Variants in YTHDF1 observed in about 807,000 individuals in gnomAD.
The protein encoded by YTHDF1 is YTH domain-containing family protein 1.
YTHDF1 carries 16 observed loss-of-function variants against 49.1 expected under a neutral mutation model. The observed-to-expected ratio is 0.33, with a 90% CI of 0.22 to 0.49. The LOEUF (loss-of-function observed/expected upper bound fraction) is 0.49, where lower values mean the gene tolerates loss of function less well. Ranked by LOEUF, YTHDF1 falls within the 20% of genes least tolerant of loss-of-function variation. The probability of loss-of-function intolerance (pLI) is 0.99; values close to 1 mark genes in which losing one functional copy is unlikely to be tolerated. For synonymous variants in YTHDF1, 313 were observed against 290.1 expected (o/e 1.08, Z -0.80); for missense variants, 621 against 744.3 (o/e 0.83, Z 1.93).
At position 63,196,744 on chromosome 20, in the gene YTHDF1, G is replaced by GA. The variant is rs1378159445; in HGVS notation, c.1654-11dup. ...TTCGACTCTGCCGTTCCTGTAAAAA[G>GA]AAAAAACAAAAGTTGAACGCAGAGT... is the stretch of plus-strand genomic sequence containing the variant. On this transcript the variant is annotated splice_polypyrimidine_tract_variant and intron_variant, in intron 4 of 4. Coordinates refer to ENST00000370339, the MANE Select transcript of YTHDF1 (RefSeq NM_017798.4). The GA allele has an allele frequency of 2.5e-6, 4 of 1,613,374 alleles. No homozygotes were observed. The highest frequency in any genetic ancestry group is 3.4e-6 in the Non-Finnish European group (4 of 1,179,878).
chr20:63,207,179 T>A (rs1237501078), intron 3 of YTHDF1, among the ~76,000 whole-genome samples: 1 of 152,202 alleles, frequency 6.6e-6, no homozygotes, highest in African/African-American at 2.4e-5. Flanking sequence ...GGGATACAGC[T>A]GCATTAACCC....
rs1028518671 is a variant in YTHDF1 at position 63,199,105 on chromosome 20, A to G, written c.1654-2371T>C. Among the ~76,000 whole-genome samples, 3 of 152,230 alleles carry G rather than the reference A, an allele frequency of 2.0e-5. No individual in the cohort carries two copies. In the East Asian group the frequency reaches 5.8e-4, roughly 29 times the overall value. On this transcript the variant is annotated intron_variant, in intron 4 of 4. Coordinates refer to ENST00000370339, the MANE Select transcript of YTHDF1 (RefSeq NM_017798.4). Reference sequence around the variant, plus strand: ...TTACAGCAATGGGGCCAAACTCTAAATGATAAAGAAAAGGTGGGTCTGTTC... The same window carrying G: ...TTACAGCAATGGGGCCAAACTCTAAGTGATAAAGAAAAGGTGGGTCTGTTC...
At chr20:63,200,395 ACAAAC>A (rs2066512238) in intron 4 of YTHDF1, among the ~76,000 whole-genome samples, 1 of 152,142 alleles carries the variant, frequency 6.6e-6, no homozygotes, top group Non-Finnish European at 1.5e-5. Context: ...CCAAACATTA[ACAAAC>A]CAGGTTCTCA....
Position 63,203,349 on chromosome 20 carries a change from G to C in YTHDF1, c.591C>G (p.Ser197=). 1 of 1,613,134 alleles carries C rather than the reference G, an allele frequency of 6.2e-7. No individual in the cohort carries two copies. The highest frequency in any genetic ancestry group is 1.7e-4 in the Middle Eastern group (1 of 6,060). Residue 197 remains serine (S), a synonymous_variant, in exon 4 of 5, where the codon TCC becomes TCG. Coordinates refer to ENST00000370339, the MANE Select transcript of YTHDF1 (RefSeq NM_017798.4). This position sits in a 1 kb window ranked among gnomAD's most constrained non-coding sequence, Gnocchi z 4.4. ...CAGAGCCCACCGTCTTGACGGCGGAGGAGCTGACGTCCCCAATCTTCAGGC... is the reference window on the plus strand; with the variant it reads ...CAGAGCCCACCGTCTTGACGGCGGACGAGCTGACGTCCCCAATCTTCAGGC... ...MVGLKIGDVS[S]SAVKTVGSVV...
intron 4 of YTHDF1, among the ~76,000 whole-genome samples, chr20:63,201,766 A>G (rs568722327): frequency 6.6e-5 from 10 of 152,318 alleles, no homozygotes; most frequent in Non-Finnish European, 1.5e-4. Flanking sequence ...AAATAAAGCA[A>G]CGACCTCCAG....
intron 3 of YTHDF1, among the ~76,000 whole-genome samples, chr20:63,209,004 T>C (rs1490523597): frequency 1.3e-5 from 2 of 152,256 alleles, no homozygotes; most frequent in African/African-American, 4.8e-5. Flanking sequence ...CTGTACAGTG[T>C]GTAACTGTAC....
In YTHDF1 at chr20:63,202,515, A is replaced by T; in HGVS notation, c.1425T>A (p.Asp475Glu). The part of the protein sequence containing the change: ...WSQDKWKGKF[D>E]VQWIFVKDVP... Reference sequence around the variant, plus strand: ...CATCCTTAACAAAAATCCACTGGACATCAAACTTCCCCTTCCACTTGTCCT... The same window carrying T: ...CATCCTTAACAAAAATCCACTGGACTTCAAACTTCCCCTTCCACTTGTCCT... The change falls in exon 4 of 5, where the codon GAT becomes GAA. Residue 475 changes from aspartate to glutamate, a missense_variant. Around this residue, in one of 2 missense-constraint regions of YTHDF1, gnomAD observed 151 missense variants for 248.5 expected, o/e 0.61. Coordinates refer to ENST00000370339, the MANE Select transcript of YTHDF1 (RefSeq NM_017798.4). The T allele has an allele frequency of 6.2e-7, 1 of 1,614,216 alleles. No individual in the cohort carries two copies. Among genetic ancestry groups the T allele is most frequent in the Non-Finnish European group, 8.5e-7 (1 of 1,180,002 alleles).
intron 4 of YTHDF1, 31 bp from the exon 5 acceptor site, chr20:63,196,765 A>G: frequency 6.2e-7 from 1 of 1,613,566 alleles, no homozygotes; most frequent in East Asian, 2.2e-5. Flanking sequence ...AGTTGAACGC[A>G]GAGTAACCAC....
chr20:63,214,168 T>A (rs183496062), intron 2 of YTHDF1: 3 of 946,088 alleles, frequency 3.2e-6, no homozygotes, highest in East Asian at 1.2e-4. Context: ...GGCTTAATCG[T>A]AATTTGGTGA....
chr20:63,200,931 G>A (rs2066514295), intron 4 of YTHDF1, among the ~76,000 whole-genome samples: 1 of 151,922 alleles, frequency 6.6e-6, no homozygotes, highest in Non-Finnish European at 1.5e-5. Flanking sequence ...TGTAATCCCA[G>A]CTACCTGGAA....
rs145579455 is a variant in YTHDF1 at position 63,202,815 on chromosome 20, G to C, written c.1125C>G (p.His375Gln). The change falls in exon 4 of 5, where the codon CAC (histidine) becomes CAG (glutamine). Residue 375 changes from histidine to glutamine, a missense_variant. Around this residue, in one of 2 missense-constraint regions of YTHDF1, gnomAD observed 470 missense variants for 495.8 expected, o/e 0.95. Transcript: ENST00000370339. ...HPVLEKLKAA[H>Q]SYNPKEFEWN... ...ACTCAAACTCTTTCGGGTTGTAGCT[G>C]TGAGCAGCCTTCAGTTTTTCAAGGA... 1.2e-5 allele frequency: 20 copies of C among 1,613,898 alleles called. No homozygotes were observed. Among genetic ancestry groups the C allele is most frequent in the African/African-American group, 9.3e-5 (7 of 74,952 alleles).
chr20:63,197,091 A>C (rs886695358), intron 4 of YTHDF1, among the ~76,000 whole-genome samples: 3 of 152,214 alleles, frequency 2.0e-5, no homozygotes, highest in South Asian at 2.1e-4. Flanking sequence ...AATTCTCTGC[A>C]CTCAGAGGGA....
Position 63,203,836 on chromosome 20 carries a change from C to T in YTHDF1, c.133-29G>A, listed in dbSNP as rs1186406770. 2 of 1,568,338 alleles carry T rather than the reference C, an allele frequency of 1.3e-6. No homozygotes were observed. The highest frequency in any genetic ancestry group is 2.7e-5 in the African/African-American group (2 of 73,618). The stretch of plus-strand genomic sequence containing the variant: ...CAAAAGCAAACGTGACAAGTTACAC[C>T]ACTTCTACAACACGAGATGCTGAGA... On this transcript the variant is annotated intron_variant, in intron 3 of 4. Coordinates refer to ENST00000370339, the MANE Select transcript of YTHDF1 (RefSeq NM_017798.4). The surrounding 1 kb of genome is among the most constrained non-coding windows in gnomAD (Gnocchi z 4.4).
At position 63,203,137 on chromosome 20, in the gene YTHDF1, T is replaced by C. The variant is rs1447557818; in HGVS notation, c.803A>G (p.Asn268Ser). ...GTTATCCCAGGTGCCAATGTCCATG[T>C]TATGCTTTATGGGTGGAGGGGGCAG... Reference protein sequence around the residue: ...GGLPPPPIKHNMDIGTWDNKG... With the variant: ...GGLPPPPIKHSMDIGTWDNKG... The change falls in exon 4 of 5, where the codon AAC becomes AGC. Residue 268 changes from asparagine to serine, a missense_variant. This residue lies in a region of YTHDF1 where 470 missense variants were observed against 495.8 expected (regional missense o/e 0.95). Coordinates refer to ENST00000370339, the MANE Select transcript of YTHDF1 (RefSeq NM_017798.4). This position sits in a 1 kb window ranked among gnomAD's most constrained non-coding sequence, Gnocchi z 4.4. 1.9e-6 allele frequency: 3 copies of C among 1,613,696 alleles called. No individual in the cohort carries two copies. Among genetic ancestry groups the C allele is most frequent in the Non-Finnish European group, 2.5e-6 (3 of 1,179,988 alleles).
chr20:63,215,819 C>A lies in YTHDF1; in HGVS notation c.27+47G>T, dbSNP rs1304396680. ...CCAGCCCCAGGACCTCAACCCAGAC[C>A]CCGCGCCTCGGCCCCGGCCGCGGCC... is the stretch of plus-strand genomic sequence containing the variant. On this transcript the variant is annotated intron_variant, in intron 1 of 4. Coordinates refer to ENST00000370339, the MANE Select transcript of YTHDF1 (RefSeq NM_017798.4). 14 of 1,453,670 alleles carry A rather than the reference C, an allele frequency of 9.6e-6. No homozygotes were observed. The African/African-American group carries it at 1.6e-4, about 17-fold the overall frequency. The allele number at this position is 1,453,670 out of a possible 1,614,324, so 90.0% of individuals were successfully genotyped here.
chr20:63,206,918 A>G (rs956211287), intron 3 of YTHDF1, among the ~76,000 whole-genome samples: 7 of 147,362 alleles, frequency 4.8e-5, no homozygotes, highest in African/African-American at 1.6e-4. Context: ...CTGGTGAGGG[A>G]AGCTGTCCCA....
chr20:63,202,295 C>T lies in YTHDF1; in HGVS notation c.1645G>A (p.Val549Met). 1 of 1,612,074 alleles carries T rather than the reference C, an allele frequency of 6.2e-7. No homozygotes were observed. The change falls in exon 4 of 5, where the codon GTG becomes ATG. Residue 549 changes from valine to methionine, a missense_variant. Val to Met is a conservative substitution (Grantham distance 21, BLOSUM62 1). This residue lies in a region of YTHDF1 where 151 missense variants were observed against 248.5 expected (regional missense o/e 0.61). Coordinates refer to ENST00000370339, the MANE Select transcript of YTHDF1 (RefSeq NM_017798.4). ...GCAACACCCAGCCTCACCTTGCGCA[C>T]CACCTCCTCCTCCTCCTGGCGCTTC... ...YEKRQEEEEV[V>M]RKERQSRNKQ is the part of the protein sequence containing the mutation.
rs1489587462 is a variant in YTHDF1 at position 63,215,707 on chromosome 20, C to T, written c.28-106G>A. The stretch of plus-strand genomic sequence containing the variant: ...GTCTCCAACGGGCCGCGAGCTCCGC[C>T]GGCCCCGACGCGCGGTCACGTGCGA... On this transcript the variant is annotated intron_variant, in intron 1 of 4. Coordinates refer to ENST00000370339, the MANE Select transcript of YTHDF1 (RefSeq NM_017798.4). 8 of 1,424,422 alleles carry T rather than the reference C, an allele frequency of 5.6e-6. No individual in the cohort carries two copies. In the African/African-American group the frequency reaches 1.1e-4, roughly 19 times the overall value. 88.2% of individuals were successfully genotyped at this position (1,424,422 alleles called of 1,614,324 possible).
chr20:63,206,927 C>T (rs1295065760), intron 3 of YTHDF1, among the ~76,000 whole-genome samples: 1 of 152,252 alleles, frequency 6.6e-6, no homozygotes, highest in Non-Finnish European at 1.5e-5. Flanking sequence ...GAAGCTGTCC[C>T]ATTCACAGTC....
Sources: gnomAD v4.1 joint callset for allele counts (sites outside exome capture counted in the v4.1 genomes callset) on GRCh38, gnomAD v4.1.1 for gene constraint, gnomAD v4.1.1 regional missense constraint, Gnocchi (gnomAD v3.1) non-coding constraint, MANE v1.5 for transcripts, NCBI Gene and HGNC (gene_info 2026-07-23, HGNC 2026-07-21) for gene names.